Variants in SCNN1B observed in about 807,000 individuals in gnomAD.
SCNN1B encodes sodium channel epithelial 1 subunit beta.
A neutral mutation model predicts 65.3 loss-of-function variants in SCNN1B; 46 were observed. The observed-to-expected ratio is 0.70, with a 90% CI of 0.56 to 0.90. The LOEUF (loss-of-function observed/expected upper bound fraction) is 0.90. Among genes scored for constraint, SCNN1B ranks in the 40% least tolerant of loss-of-function variants. The probability of loss-of-function intolerance (pLI) is 0.00; values close to 1 mark genes in which losing one functional copy is unlikely to be tolerated. For missense variants in SCNN1B, 751 were observed against 830.5 expected, an observed-to-expected ratio of 0.90 and a Z score of 1.18; for synonymous variants, 349 against 330.6, an observed-to-expected ratio of 1.06 and a Z score of -0.60.
chr16:23,282,240 A>G (rs1960794279), intron 1 of SCNN1B, among the ~76,000 whole-genome samples: 1 of 152,234 alleles, frequency 6.6e-6, no homozygotes, highest in African/African-American at 2.4e-5. Context: ...ATTTAATTTC[A>G]ATAAATAAAA....
At chr16:23,364,255 T>C (rs1250385773) in intron 4 of SCNN1B, among the ~76,000 whole-genome samples, 1 of 152,238 alleles carries the variant, frequency 6.6e-6, no homozygotes, top group Non-Finnish European at 1.5e-5. Context: ...AGTAATAAAG[T>C]ACTATTAACT....
intron 2 of SCNN1B, among the ~76,000 whole-genome samples, chr16:23,285,314 A>G (rs1436872321): frequency 2.0e-5 from 3 of 152,128 alleles, no homozygotes; most frequent in Non-Finnish European, 4.4e-5. Flanking sequence ...CTGGGACTAC[A>G]GGTGTGCACC....
At chr16:23,288,853 T>G (rs1158008842) in intron 2 of SCNN1B, among the ~76,000 whole-genome samples, 1 of 152,110 alleles carries the variant, frequency 6.6e-6, no homozygotes, top group Non-Finnish European at 1.5e-5. Flanking sequence ...AGGTGGTTGT[T>G]AGCAGGATTC....
Position 23,352,758 on chromosome 16 carries a change from A to C in SCNN1B, c.312-43A>C, listed in dbSNP as rs1962335572. On this transcript the variant is annotated intron_variant, in intron 2 of 12. Transcript: ENST00000343070. Reference sequence around the variant, plus strand: ...CCAGATTTCATTTGCTCTGCTTTACAGATATGCATTCCTTCCCCCTAACCA... The same window carrying C: ...CCAGATTTCATTTGCTCTGCTTTACCGATATGCATTCCTTCCCCCTAACCA... 4 of 1,610,394 alleles carry C rather than the reference A, an allele frequency of 2.5e-6. No individual in the cohort carries two copies. The East Asian group carries it at 8.9e-5, about 36-fold the overall frequency.
chr16:23,322,595 G>A (rs1448460776), intron 1 of SCNN1B, among the ~76,000 whole-genome samples: 1 of 152,046 alleles, frequency 6.6e-6, no homozygotes, highest in African/African-American at 2.4e-5. Context: ...ACAGGCGTGA[G>A]CCACTATGCC....
intron 8 of SCNN1B, among the ~76,000 whole-genome samples, chr16:23,376,744 T>TAAAAAAAA (rs770607656): frequency 1.6e-5 from 1 of 63,156 alleles, no homozygotes; most frequent in Non-Finnish European, 3.9e-5. Context: ...ACCCCGTCTA[T>TAAAAAAAA]AAAAAAAAAA....
At chr16:23,293,897 T>C (rs530204466) in intron 2 of SCNN1B, among the ~76,000 whole-genome samples, 422 of 152,104 alleles carry the variant, frequency 2.8e-3, no homozygotes, top group African/African-American at 1.0e-2. Flanking sequence ...GTACTCTAGC[T>C]TGGGCAACAG....
Position 23,377,568 on chromosome 16 carries a change from T to TTTTCC in SCNN1B, c.1404+182_1404+183insTTTCC, listed in dbSNP as rs1399125786. Among the ~76,000 whole-genome samples, 4 of 24,778 alleles carry TTTTCC rather than the reference T, an allele frequency of 1.6e-4. 1 individual carries two copies. The South Asian group carries it at 2.7e-3, about 16-fold the overall frequency. The allele number at this position is 24,778 out of a possible 152,430, so 16.3% of individuals were successfully genotyped here. ...TTTATTCCTTCCTTCCTTCCTCCTCTCTTTTCCCTTCCTCCCTCCCTTCTC... is the reference window on the plus strand; with the variant it reads ...TTTATTCCTTCCTTCCTTCCTCCTCTTTTCCCTTTTCCCTTCCTCCCTCCCTTCTC... On this transcript the variant is annotated intron_variant, in intron 10 of 12. Coordinates refer to ENST00000343070, the MANE Select transcript of SCNN1B (RefSeq NM_000336.3).
chr16:23,373,946 C>T (rs1962835785), intron 7 of SCNN1B, among the ~76,000 whole-genome samples: 1 of 152,100 alleles, frequency 6.6e-6, no homozygotes, highest in East Asian at 1.9e-4. Context: ...GGTGTGGTAG[C>T]CACCCAGGCC....
rs1962777773 is a variant in SCNN1B at position 23,371,320 on chromosome 16, T to C, written c.902T>C (p.Ile301Thr). ...ACAGGCCTGAAGTTGATCCTGGACA[T>C]AGGCCAGGAAGACTACGTCCCCTTC... The part of the protein sequence containing the change: ...TEFGLKLILD[I>T]GQEDYVPFLA... Residue 301 changes from isoleucine to threonine, a missense_variant, in exon 6 of 13, where the codon ATA (isoleucine) becomes ACA (threonine). Coordinates refer to ENST00000343070, the MANE Select transcript of SCNN1B (RefSeq NM_000336.3). 6.2e-7 allele frequency: 1 copy of C among 1,613,972 alleles called. No individual in the cohort carries two copies. The highest frequency in any genetic ancestry group is 8.5e-7 in the Non-Finnish European group (1 of 1,179,928).
At chr16:23,334,354 TA>T (rs1567301106) in intron 1 of SCNN1B, among the ~76,000 whole-genome samples, 1 of 152,242 alleles carries the variant, frequency 6.6e-6, no homozygotes, top group African/African-American at 2.4e-5. Context: ...AAAGTGTTTC[TA>T]AACCAGTGCT....
intron 1 of SCNN1B, among the ~76,000 whole-genome samples, chr16:23,322,420 C>T (rs1203953756): frequency 1.3e-5 from 2 of 152,122 alleles, no homozygotes; most frequent in Non-Finnish European, 1.5e-5. Context: ...TCCACCTCAG[C>T]TCCCGAGTAG....
In SCNN1B at chr16:23,348,571, C is replaced by A. The variant is rs201606431; in HGVS notation, c.-8-21C>A. On this transcript the variant is annotated intron_variant, in intron 1 of 12. Coordinates refer to ENST00000343070, the MANE Select transcript of SCNN1B (RefSeq NM_000336.3). This position sits in a 1 kb window ranked among gnomAD's most constrained non-coding sequence, Gnocchi z 4.5. ...CAAGGCTGGTGTCCCAGCTGATGTG[C>A]GTCCCCATGCCTCTCTGCAGGTGCC... The A allele has an allele frequency of 1.9e-6, 3 of 1,610,478 alleles. No individual in the cohort carries two copies. Among genetic ancestry groups the A allele is most frequent in the Non-Finnish European group, 8.5e-7 (1 of 1,178,940 alleles).
intron 1 of SCNN1B, among the ~76,000 whole-genome samples, chr16:23,282,500 A>G (rs1053811461): frequency 1.3e-5 from 2 of 152,220 alleles, no homozygotes; most frequent in African/African-American, 2.4e-5. Context: ...GAATCTATGA[A>G]TACTCCTCCT....
intron 1 of SCNN1B, among the ~76,000 whole-genome samples, chr16:23,279,727 G>A (rs1960757298): frequency 6.6e-6 from 1 of 152,190 alleles, no homozygotes; most frequent in African/African-American, 2.4e-5. Flanking sequence ...ATTGTGGAGT[G>A]AAATTCGTAC....
chr16:23,290,367 C>T (rs951495130), intron 2 of SCNN1B, among the ~76,000 whole-genome samples: 2 of 152,050 alleles, frequency 1.3e-5, no homozygotes, highest in Admixed American at 6.6e-5. Context: ...AGTGCAGTGG[C>T]GCTGATCATG....
chr16:23,324,284 A>T (rs191173852), intron 1 of SCNN1B, among the ~76,000 whole-genome samples: 410 of 150,514 alleles, frequency 2.7e-3, no homozygotes, highest in African/African-American at 9.8e-3. Context: ...AACTCCTGGG[A>T]TCCAGCGAAC....
rs770978463 is a variant in SCNN1B at position 23,348,654 on chromosome 16, G to C, written c.55G>C (p.Gly19Arg). The C allele has an allele frequency of 1.2e-6, 2 of 1,613,594 alleles. No individual in the cohort carries two copies. The highest frequency in any genetic ancestry group is 1.7e-6 in the Non-Finnish European group (2 of 1,179,996). Residue 19 changes from glycine (G) to arginine (R), a missense_variant, in exon 2 of 13, where the codon GGC becomes CGC. Coordinates refer to ENST00000343070, the MANE Select transcript of SCNN1B (RefSeq NM_000336.3). The surrounding 1 kb of genome is among the most constrained non-coding windows in gnomAD (Gnocchi z 4.5). ...CCTGCATCGGCTGCAGAAGGGCCCC[G>C]GCTACACGTACAAGGAGCTGCTGGT... ...KGLHRLQKGPGYTYKELLVWY... is the reference protein window; with the variant it reads ...KGLHRLQKGPRYTYKELLVWY...
In SCNN1B at chr16:23,371,748, CCCCCTCAAGCAA is replaced by C; in HGVS notation, c.1045-21_1045-10del. The C allele has an allele frequency of 6.4e-7, 1 of 1,559,188 alleles. No individual in the cohort carries two copies. The highest frequency in any genetic ancestry group is 8.9e-7 in the Non-Finnish European group (1 of 1,129,780). ...AAGGGCTTCCTGGGGTGACCAGTGT[CCCCCTCAAGCAA>C]CCCCTCTAAACACAGGACAAGCTTC... On this transcript the variant is annotated splice_polypyrimidine_tract_variant and intron_variant, in intron 6 of 12. Coordinates refer to ENST00000343070, the MANE Select transcript of SCNN1B (RefSeq NM_000336.3).
Sources: gnomAD v4.1 joint callset for allele counts (sites outside exome capture counted in the v4.1 genomes callset) on GRCh38, gnomAD v4.1.1 for gene constraint, Gnocchi (gnomAD v3.1) non-coding constraint, MANE v1.5 for transcripts, NCBI Gene and HGNC (gene_info 2026-07-23, HGNC 2026-07-21) for gene names.